Variants in RGS21 observed in about 807,000 individuals in gnomAD.
The protein encoded by RGS21 is regulator of G-protein signalling 21.
A neutral mutation model predicts 18.7 loss-of-function variants in RGS21; 19 were observed. The observed-to-expected ratio is 1.01, with a 90% CI of 0.71 to 1.49. The LOEUF is 1.49. RGS21 is among the 40% of genes most tolerant of loss of function. The pLI is 0.00. For missense variants in RGS21, 194 were observed against 176.8 expected (o/e 1.10, Z -0.55); for synonymous variants, 56 against 57.8 (o/e 0.97, Z 0.14).
intron 1 of RGS21, among the ~76,000 whole-genome samples, chr1:192,331,806 C>A (rs1658661677): frequency 6.6e-6 from 1 of 151,826 alleles, no homozygotes; most frequent in African/African-American, 2.4e-5. Context: ...ACAAGGGTCT[C>A]TACTTTTGTT....
chr1:192,336,116 G>A (rs1489580131), intron 1 of RGS21, among the ~76,000 whole-genome samples: 1 of 152,110 alleles, frequency 6.6e-6, no homozygotes, highest in Non-Finnish European at 1.5e-5. Context: ...TGAATTTCCT[G>A]TAGCCAGTCT....
chr1:192,350,211 T>A (rs1659020558), intron 3 of RGS21, among the ~76,000 whole-genome samples: 1 of 152,218 alleles, frequency 6.6e-6, no homozygotes, highest in Non-Finnish European at 1.5e-5. Context: ...TGGTACCTGA[T>A]AACCTTTTGC....
At chr1:192,318,190 G>T (rs1658445744) in intron 1 of RGS21, among the ~76,000 whole-genome samples, 1 of 151,878 alleles carries the variant, frequency 6.6e-6, no homozygotes, top group African/African-American at 2.4e-5. Context: ...AAAAAACCTA[G>T]TCATTAAACT....
intron 1 of RGS21, among the ~76,000 whole-genome samples, chr1:192,340,892 C>T (rs1658849386): frequency 6.6e-6 from 1 of 152,016 alleles, no homozygotes; most frequent in Non-Finnish European, 1.5e-5. Context: ...CCACATGATT[C>T]AATTATCTCC....
chr1:192,362,452 GC>G (rs1659199453), intron 4 of RGS21, among the ~76,000 whole-genome samples: 1 of 152,172 alleles, frequency 6.6e-6, no homozygotes, highest in Non-Finnish European at 1.5e-5. Flanking sequence ...ATGTGCACAC[GC>G]ACAAACACAC....
At chr1:192,343,969 T>G (rs1658910473) in intron 2 of RGS21, among the ~76,000 whole-genome samples, 1 of 152,098 alleles carries the variant, frequency 6.6e-6, no homozygotes, top group Admixed American at 6.6e-5. Context: ...TCTCCAACTT[T>G]TATTCAATAG....
chr1:192,342,530 A>G lies in RGS21; in HGVS notation c.-60-447A>G, dbSNP rs147114691. ...ATTGCTTAAATAGTTAAACATATATAGTTGTTTAAGATAAGTATACTAAAG... is the reference window on the plus strand; with the variant it reads ...ATTGCTTAAATAGTTAAACATATATGGTTGTTTAAGATAAGTATACTAAAG... On this transcript the variant is annotated intron_variant, in intron 1 of 4. Coordinates refer to ENST00000417209, the MANE Select transcript of RGS21 (RefSeq NM_001039152.3). 4.3e-3 allele frequency among the ~76,000 whole-genome samples: 651 copies of G among 152,110 alleles called. 3 individuals are homozygous for G. The highest frequency in any genetic ancestry group is 0.015 in the African/African-American group (620 of 41,554).
intron 4 of RGS21, among the ~76,000 whole-genome samples, chr1:192,352,441 C>G (rs1415434115): frequency 3.3e-5 from 5 of 151,862 alleles, no homozygotes; most frequent in Admixed American, 3.3e-4. Context: ...ATATTTCTGT[C>G]TCTTTGCAAC....
chr1:192,342,116 C>T (rs1658880075), intron 1 of RGS21, among the ~76,000 whole-genome samples: 1 of 151,978 alleles, frequency 6.6e-6, no homozygotes, highest in South Asian at 2.1e-4. Context: ...AGGAGAAGAA[C>T]ATTTTTTACC....
chr1:192,338,774 T>A (rs995917890), intron 1 of RGS21, among the ~76,000 whole-genome samples: 1 of 152,128 alleles, frequency 6.6e-6, no homozygotes, highest in Non-Finnish European at 1.5e-5. Flanking sequence ...ATATAAGTGT[T>A]ACTCTACATT....
chr1:192,327,014 T>C (rs12060594), intron 1 of RGS21, among the ~76,000 whole-genome samples: 2,307 of 152,250 alleles, frequency 0.015, 60 homozygotes, highest in African/African-American at 0.053. Flanking sequence ...TATGTTCTAA[T>C]AAAATGGTTT....
Position 192,326,395 on chromosome 1 carries a change from A to G in RGS21, c.-61+9290A>G, listed in dbSNP as rs76109362. 1.8e-3 allele frequency among the ~76,000 whole-genome samples: 281 copies of G among 152,238 alleles called. 1 individual carries two copies. Among genetic ancestry groups the G allele is most frequent in the African/African-American group, 6.6e-3 (273 of 41,574 alleles). On this transcript the variant is annotated intron_variant, in intron 1 of 4. Transcript: ENST00000417209. ...TTTAACTCTACAGCTTGCTAATTTT[A>G]TGACTTAAGTAAGATAAATTCCACA...
chr1:192,349,101 A>G (rs531307006), intron 3 of RGS21, among the ~76,000 whole-genome samples: 29 of 152,286 alleles, frequency 1.9e-4, no homozygotes, highest in African/African-American at 7.0e-4. Flanking sequence ...TTAAGTGTAT[A>G]AGCAATGGGA....
At chr1:192,344,222 ATCTC>A (rs1239988731) in intron 2 of RGS21, among the ~76,000 whole-genome samples, 1 of 152,070 alleles carries the variant, frequency 6.6e-6, no homozygotes, top group African/African-American at 2.4e-5. Context: ...AATATGATAA[ATCTC>A]TATTGCAGGA....
At chr1:192,365,100 CACTCCAGCCTGGGCG>C (rs1659236196) in intron 4 of RGS21, among the ~76,000 whole-genome samples, 1 of 150,470 alleles carries the variant, frequency 6.6e-6, no homozygotes, top group African/African-American at 2.5e-5. Context: ...TGTGCCATTG[CACTCCAGCCTGGGCG>C]ACAAGAGCAA....
Position 192,358,012 on chromosome 1 carries a change from A to G in RGS21, c.255+5799A>G, listed in dbSNP as rs569911633. Among the ~76,000 whole-genome samples the G allele has an allele frequency of 2.6e-5, 4 of 152,126 alleles. No homozygotes were observed. The East Asian group carries it at 7.7e-4, about 29-fold the overall frequency. On this transcript the variant is annotated intron_variant, in intron 4 of 4. Transcript: ENST00000417209. ...CCACTTAAAATGATCTTAGTTTAGC[A>G]TGTTGGGATTGGTGATGGAAACAGG...
chr1:192,346,046 G>A (rs1053980756), intron 2 of RGS21, among the ~76,000 whole-genome samples: 1 of 151,968 alleles, frequency 6.6e-6, no homozygotes, highest in African/African-American at 2.4e-5. Context: ...GGTAATCTGT[G>A]TCCCCAAGAT....
At chr1:192,324,558 T>C (rs1658540356) in intron 1 of RGS21, among the ~76,000 whole-genome samples, 1 of 151,978 alleles carries the variant, frequency 6.6e-6, no homozygotes, top group Non-Finnish European at 1.5e-5. Flanking sequence ...CACTTGGAAA[T>C]CTGCACATAA....
chr1:192,350,307 A>G (rs775116730), intron 3 of RGS21, among the ~76,000 whole-genome samples: 30 of 152,204 alleles, frequency 2.0e-4, no homozygotes, highest in Admixed American at 4.6e-4. Flanking sequence ...AGACACTTTA[A>G]TTCTGCTCCA....
Sources: allele counts gnomAD v4.1 joint callset (sites outside exome capture counted in the v4.1 genomes callset), GRCh38; gene constraint gnomAD v4.1.1; transcripts MANE v1.5; gene names NCBI Gene and HGNC (gene_info 2026-07-23, HGNC 2026-07-21).